Variants in CLDN14 observed in about 807,000 individuals in gnomAD.
The protein encoded by CLDN14 is claudin-14.
Under a neutral mutation model 2.1 loss-of-function variants are expected in CLDN14, and 2 were observed. The observed-to-expected ratio is 0.96, with a 90% CI of 0.39 to 3.01. The LOEUF is 3.01. Among genes scored for constraint, CLDN14 ranks in the 30% most tolerant of loss-of-function variants. The pLI is 0.09. For synonymous variants in CLDN14, 136 were observed against 154.4 expected (o/e 0.88, Z 0.88); for missense variants, 298 against 328.0 (o/e 0.91, Z 0.71).
At chr21:36,518,109 C>CACACACACACA (rs57527435) in intron 1 of CLDN14, among the ~76,000 whole-genome samples, 4 of 147,790 alleles carry the variant, frequency 2.7e-5, no homozygotes, top group African/African-American at 7.4e-5. Flanking sequence ...CACACACACA[C>CACACACACACA]GACCTGTTGG....
chr21:36,471,205 C>CA (rs1204614676), intron 1 of CLDN14, among the ~76,000 whole-genome samples: 8 of 131,170 alleles, frequency 6.1e-5, no homozygotes, highest in Admixed American at 1.5e-4. Flanking sequence ...CCTGTCTCTA[C>CA]AAAAAACAAA....
chr21:36,493,269 C>T (rs966736290), intron 2 of CLDN14, among the ~76,000 whole-genome samples: 7 of 152,112 alleles, frequency 4.6e-5, no homozygotes, highest in East Asian at 3.9e-4. Flanking sequence ...GGGGTGTCAC[C>T]ACAGGAGTCC....
At chr21:36,525,978 A>G (rs1196072956) in intron 1 of CLDN14, among the ~76,000 whole-genome samples, 1 of 152,128 alleles carries the variant, frequency 6.6e-6, no homozygotes, top group Non-Finnish European at 1.5e-5. Context: ...TGAAGGTATG[A>G]GAGTGTTTCT....
intron 1 of CLDN14, among the ~76,000 whole-genome samples, chr21:36,566,708 A>G (rs547826727): frequency 6.6e-6 from 1 of 152,312 alleles, no homozygotes; most frequent in Admixed American, 6.5e-5. Flanking sequence ...GCGTTTTCTT[A>G]TGTGCACATC....
chr21:36,493,655 T>G (rs2086989696), intron 2 of CLDN14, among the ~76,000 whole-genome samples: 5 of 152,030 alleles, frequency 3.3e-5, no homozygotes. Context: ...GCCGCACACT[T>G]GTCATAGTCT....
At chr21:36,536,016 G>A (rs912097272) in intron 1 of CLDN14, among the ~76,000 whole-genome samples, 3 of 152,202 alleles carry the variant, frequency 2.0e-5, no homozygotes, top group East Asian at 3.8e-4. Context: ...GTTCTCCAGG[G>A]GAGGAGAACG....
chr21:36,527,605 C>G (rs570371272), intron 1 of CLDN14, among the ~76,000 whole-genome samples: 2 of 152,262 alleles, frequency 1.3e-5, no homozygotes, highest in South Asian at 4.1e-4. Context: ...TGATACGAAT[C>G]CCTCATTTGG....
chr21:36,499,139 G>T lies in CLDN14; in HGVS notation c.-82+11224C>A, dbSNP rs182166393. On this transcript the variant is annotated intron_variant, in intron 2 of 2. Transcript: ENST00000342108. The surrounding 1 kb of genome is among the most constrained non-coding windows in gnomAD (Gnocchi z 4.7). ...TGATATCATTGACCACAGGACTCAA[G>T]AAATAAGCCCAGAGCACACATCGGT... Among the ~76,000 whole-genome samples the T allele has an allele frequency of 6.6e-5, 10 of 152,346 alleles. No individual in the cohort carries two copies. The highest frequency in any genetic ancestry group is 3.9e-4 in the Admixed American group (6 of 15,306).
intron 2 of CLDN14, among the ~76,000 whole-genome samples, chr21:36,495,539 C>T (rs920990792): frequency 1.3e-5 from 2 of 152,224 alleles, no homozygotes; most frequent in Admixed American, 1.3e-4. Flanking sequence ...GGAAATCACA[C>T]TGACTTCATC....
At chr21:36,493,710 C>G (rs902558154) in intron 2 of CLDN14, among the ~76,000 whole-genome samples, 3 of 152,056 alleles carry the variant, frequency 2.0e-5, no homozygotes, top group Non-Finnish European at 4.4e-5. Context: ...GCAAAATGGG[C>G]TTTTTTTCTG....
chr21:36,489,131 A>AAAATATATAT, intron 2 of CLDN14, among the ~76,000 whole-genome samples: 10 of 62,748 alleles, frequency 1.6e-4, no homozygotes, highest in South Asian at 6.0e-4. Context: ...AAAAAAAAAA[A>AAAATATATAT]ATATATATAT....
intron 2 of CLDN14, chr21:36,486,168 A>G: frequency 8.4e-7 from 1 of 1,185,094 alleles, no homozygotes. Flanking sequence ...GCTGGCTGGC[A>G]AGTGTCCATG....
In CLDN14 at chr21:36,489,131, A is replaced by AAT. The variant is rs1555847001; in HGVS notation, c.-82+21230_-82+21231dup. ...TCTGTCTCAAAGAAAAAAAAAAAAA[A>AAT]ATATATATATATATATATATATATA... On this transcript the variant is annotated intron_variant, in intron 2 of 2. Coordinates refer to the CLDN14 transcript ENST00000342108. Among the ~76,000 whole-genome samples the AAT allele has an allele frequency of 7.7e-3, 480 of 62,698 alleles. 9 individuals carry two copies. Among genetic ancestry groups the AAT allele is most frequent in the East Asian group, 0.02 (48 of 2,450 alleles). 41.1% of individuals were successfully genotyped at this position (62,698 alleles called of 152,430 possible).
At chr21:36,536,904 A>G (rs1277154678) in intron 1 of CLDN14, among the ~76,000 whole-genome samples, 1 of 152,160 alleles carries the variant, frequency 6.6e-6, no homozygotes, top group Non-Finnish European at 1.5e-5. Context: ...AACTAAAAAA[A>G]CCTGGGCCAG....
intron 1 of CLDN14, among the ~76,000 whole-genome samples, chr21:36,513,068 C>A (rs760722161): frequency 1.3e-5 from 2 of 152,178 alleles, no homozygotes; most frequent in Non-Finnish European, 2.9e-5. Flanking sequence ...CCCATTTTTG[C>A]TCAGGAATCT....
rs1341314669 is a variant in CLDN14, at chr21:36,460,753, C to T, written c.*223G>A. The T allele has an allele frequency of 1.8e-6, 1 of 551,992 alleles. No individual in the cohort carries two copies. The highest frequency in any genetic ancestry group is 1.9e-5 in the African/African-American group (1 of 53,108). 34.2% of individuals were successfully genotyped at this position (551,992 alleles called of 1,614,324 possible). A position where few individuals can be genotyped will look rare whatever the true frequency, so the allele number is the denominator to read the frequency against. On this transcript the variant is annotated 3_prime_UTR_variant, in exon 2 of 2. Transcript: ENST00000399135. The surrounding 1 kb of genome is among the most constrained non-coding windows in gnomAD (Gnocchi z 4.0). ...TAAATATATATAATAAATACAAAAA[C>T]AGACAGGATTTTTTTTTTCAGTCTT... is the stretch of plus-strand genomic sequence containing the variant.
chr21:36,464,022 A>G (rs2086613576), intron 1 of CLDN14, among the ~76,000 whole-genome samples: 1 of 152,194 alleles, frequency 6.6e-6, no homozygotes, highest in Non-Finnish European at 1.5e-5. Context: ...CCCAAATCTC[A>G]TGTCGAATGG....
chr21:36,560,522 A>G (rs1430482821), intron 1 of CLDN14, among the ~76,000 whole-genome samples: 1 of 152,156 alleles, frequency 6.6e-6, no homozygotes, highest in African/African-American at 2.4e-5. Context: ...TTTATCTTTT[A>G]TTCTGTGAAT....
At chr21:36,505,150 G>A (rs6517356) in intron 2 of CLDN14, among the ~76,000 whole-genome samples, 6,703 of 152,236 alleles carry the variant, frequency 0.044, 482 homozygotes, top group African/African-American at 0.15. Flanking sequence ...GAAATGGACA[G>A]TAAGTATCTC....
Sources: gnomAD v4.1 joint callset for allele counts (sites outside exome capture counted in the v4.1 genomes callset) on GRCh38, gnomAD v4.1.1 for gene constraint, Gnocchi (gnomAD v3.1) non-coding constraint, MANE v1.5 for transcripts, NCBI Gene and HGNC (gene_info 2026-07-23, HGNC 2026-07-21) for gene names.